Variants in PDS5B observed in about 807,000 individuals in gnomAD.
PDS5B encodes sister chromatid cohesion protein PDS5 homolog B.
A neutral mutation model predicts 184.1 loss-of-function variants in PDS5B; 51 were observed. That is an observed-to-expected ratio of 0.28 (90% CI 0.22 to 0.35). The LOEUF (loss-of-function observed/expected upper bound fraction) is 0.35, where lower values mean the gene tolerates loss of function less well. Among genes scored for constraint, PDS5B ranks in the 10% least tolerant of loss-of-function variants. The probability of loss-of-function intolerance (pLI) is 1.00; values close to 1 mark genes in which losing one functional copy is unlikely to be tolerated. For missense variants in PDS5B, 1,180 were observed against 1,723.3 expected (o/e 0.68, Z 5.58); for synonymous variants, 566 against 569.2 (o/e 0.99, Z 0.08).
chr13:32,773,325 G>A lies in PDS5B; in HGVS notation c.4308+1G>A, dbSNP rs1461266564. 6.2e-7 allele frequency: 1 copy of A among 1,608,438 alleles called. No individual in the cohort carries two copies. The highest frequency in any genetic ancestry group is 1.1e-5 in the South Asian group (1 of 89,804). ...GGAGGAGGAAGTTTCTACAGTAAAT[G>A]TATGTGTTCAAAGTTTCTGTGAGTG... is the stretch of plus-strand genomic sequence containing the variant. On this transcript the variant is annotated splice_donor_variant, in intron 34 of 34. Coordinates refer to ENST00000315596, the MANE Select transcript of PDS5B (RefSeq NM_015032.4). LOFTEE classifies it high-confidence loss of function.
At chr13:32,692,334 A>G (rs1593439983) in intron 13 of PDS5B, among the ~76,000 whole-genome samples, 2 of 148,568 alleles carry the variant, frequency 1.3e-5, no homozygotes, top group Non-Finnish European at 3.0e-5. Context: ...CAGAACTCCT[A>G]TTAGCGACAG....
Position 32,605,041 on chromosome 13 carries a change from A to T in PDS5B, c.-20+18448A>T, listed in dbSNP as rs191523979. Among the ~76,000 whole-genome samples the T allele has an allele frequency of 3.5e-4, 54 of 152,184 alleles. No individual in the cohort carries two copies. The East Asian group carries it at 0.01, about 28-fold the overall frequency. ...AAAAAACCAGCTCCTGGATTCATTG[A>T]TATTTTGAAGGGTTTTTTGTGTCTC... On this transcript the variant is annotated intron_variant, in intron 1 of 34. Coordinates refer to ENST00000315596, the MANE Select transcript of PDS5B (RefSeq NM_015032.4).
chr13:32,745,581 A>G (rs995718409), intron 23 of PDS5B, among the ~76,000 whole-genome samples: 1 of 152,158 alleles, frequency 6.6e-6, no homozygotes, highest in Non-Finnish European at 1.5e-5. Flanking sequence ...TTTATATCTC[A>G]CAGTTCTGGA....
chr13:32,775,457 A>G lies in PDS5B; in HGVS notation c.*405A>G, dbSNP rs1228703075. The G allele has an allele frequency of 3.0e-6, 1 of 336,352 alleles. No homozygotes were observed. The highest frequency in any genetic ancestry group is 2.4e-5 in the South Asian group (1 of 41,860). 20.8% of individuals were successfully genotyped at this position (336,352 alleles called of 1,614,324 possible). ...GATAGATCTTAAGCAGTAATCTGTC[A>G]GTGTTTGTATTTGTATTCTCTGCAA... is the stretch of plus-strand genomic sequence containing the variant. On this transcript the variant is annotated 3_prime_UTR_variant, in exon 35 of 35. Transcript: ENST00000315596.
chr13:32,770,574 A>C lies in PDS5B; in HGVS notation c.4064+14A>C. 1 of 1,601,520 alleles carries C rather than the reference A, an allele frequency of 6.2e-7. No individual in the cohort carries two copies. On this transcript the variant is annotated intron_variant, in intron 32 of 34. Coordinates refer to ENST00000315596, the MANE Select transcript of PDS5B (RefSeq NM_015032.4). Reference sequence around the variant, plus strand: ...AGCACAGCAGAGGTAAGCATGTGTAACTCTAAACTGCATCTGTTTCGTTAC... The same window carrying C: ...AGCACAGCAGAGGTAAGCATGTGTACCTCTAAACTGCATCTGTTTCGTTAC...
chr13:32,697,947 T>C (rs1210744320), intron 15 of PDS5B, among the ~76,000 whole-genome samples: 3 of 152,162 alleles, frequency 2.0e-5, no homozygotes, highest in African/African-American at 7.2e-5. Context: ...ACTGCTGGCC[T>C]CAAGTGCTGG....
chr13:32,731,291 G>C lies in PDS5B; in HGVS notation c.2124-810G>C, dbSNP rs566370861. On this transcript the variant is annotated intron_variant, in intron 19 of 34. Transcript: ENST00000315596. ...AAGTTTCTTTTGCTTTGAGATGTTTGTATAATAGTTTAAGAGCTCCTTTAT... is the reference window on the plus strand; with the variant it reads ...AAGTTTCTTTTGCTTTGAGATGTTTCTATAATAGTTTAAGAGCTCCTTTAT... Among the ~76,000 whole-genome samples, 39 of 152,192 alleles carry C rather than the reference G, an allele frequency of 2.6e-4. No homozygotes were observed. The South Asian group carries it at 7.5e-3, about 29-fold the overall frequency.
At chr13:32,754,806 A>G (rs563987970) in intron 25 of PDS5B, among the ~76,000 whole-genome samples, 11 of 152,152 alleles carry the variant, frequency 7.2e-5, no homozygotes, top group Non-Finnish European at 1.3e-4. Flanking sequence ...AGTGCTCAGT[A>G]TGTGTTAGCC....
At chr13:32,654,144 G>T (rs577945481) in intron 3 of PDS5B, among the ~76,000 whole-genome samples, 17 of 152,202 alleles carry the variant, frequency 1.1e-4, no homozygotes, top group Non-Finnish European at 2.1e-4. Context: ...CTTTTTGGGG[G>T]ATAGTACTTA....
rs1382158823 is a variant in PDS5B at position 32,760,560 on chromosome 13, C to T, written c.3373-15C>T. On this transcript the variant is annotated splice_polypyrimidine_tract_variant and intron_variant, in intron 29 of 34. Coordinates refer to ENST00000315596, the MANE Select transcript of PDS5B (RefSeq NM_015032.4). ...CTTTAACCAAATAAAAAGAGATGTG[C>T]ATTTCTCATTTCAGCCTAAAACAAC... is the stretch of plus-strand genomic sequence containing the variant. 3 of 1,611,356 alleles carry T rather than the reference C, an allele frequency of 1.9e-6. No homozygotes were observed. The highest frequency in any genetic ancestry group is 2.5e-6 in the Non-Finnish European group (3 of 1,178,994).
chr13:32,586,846 G>A (rs1211514210), intron 1 of PDS5B, among the ~76,000 whole-genome samples: 3 of 144,350 alleles, frequency 2.1e-5, no homozygotes, highest in African/African-American at 5.0e-5. Flanking sequence ...CCCGCGGCCG[G>A]CGCGCGCCTC....
chr13:32,614,545 G>A (rs770237006), intron 1 of PDS5B, among the ~76,000 whole-genome samples: 6 of 152,166 alleles, frequency 3.9e-5, no homozygotes, highest in South Asian at 2.1e-4. Flanking sequence ...TGAGCTGCCC[G>A]CCTTGGCCTC....
At chr13:32,745,049 T>A (rs1168665194) in intron 23 of PDS5B, among the ~76,000 whole-genome samples, 1 of 152,176 alleles carries the variant, frequency 6.6e-6, no homozygotes, top group Non-Finnish European at 1.5e-5. Context: ...TAGGAAGGAT[T>A]GTTTAGATGT....
intron 7 of PDS5B, among the ~76,000 whole-genome samples, chr13:32,670,501 T>C (rs1566307879): frequency 6.6e-6 from 1 of 152,228 alleles, no homozygotes; most frequent in Non-Finnish European, 1.5e-5. Flanking sequence ...GTGCTAAGAT[T>C]ATAGGCGTGA....
intron 1 of PDS5B, among the ~76,000 whole-genome samples, chr13:32,587,802 A>G (rs1397857511): frequency 5.9e-5 from 9 of 152,246 alleles, no homozygotes; most frequent in Non-Finnish European, 1.0e-4. Context: ...AGTGGTGCCC[A>G]GACTGATCCT....
chr13:32,593,612 ATTACAGG>A (rs1305381343), intron 1 of PDS5B, among the ~76,000 whole-genome samples: 1 of 152,224 alleles, frequency 6.6e-6, no homozygotes, highest in Non-Finnish European at 1.5e-5. Flanking sequence ...AAGTGCTGGG[ATTACAGG>A]TGTGAGCCAC....
At chr13:32,702,749 A>C (rs1951898510) in intron 17 of PDS5B, among the ~76,000 whole-genome samples, 1 of 152,192 alleles carries the variant, frequency 6.6e-6, no homozygotes, top group East Asian at 1.9e-4. Flanking sequence ...GCATCATATA[A>C]AACTGTTATG....
intron 3 of PDS5B, among the ~76,000 whole-genome samples, chr13:32,654,696 C>T (rs1165951814): frequency 1.3e-5 from 2 of 152,090 alleles, no homozygotes; most frequent in Non-Finnish European, 2.9e-5. Flanking sequence ...CACCCTCCAC[C>T]GTCAAGAAGA....
At chr13:32,690,407 AG>A (rs1951515782) in intron 13 of PDS5B, 1 of 152,172 alleles carries the variant, frequency 6.6e-6, no homozygotes, top group African/African-American at 2.4e-5. Flanking sequence ...ACAGCATGTA[AG>A]GTAATAGGTA....
Sources: gnomAD v4.1 joint callset for allele counts (sites outside exome capture counted in the v4.1 genomes callset) on GRCh38, gnomAD v4.1.1 for gene constraint, MANE v1.5 for transcripts, NCBI Gene and HGNC (gene_info 2026-07-23, HGNC 2026-07-21) for gene names.